The following RAB11FIP1 variants were observed in gnomAD, a reference collection of about 807,000 sequenced individuals.
RAB11FIP1 encodes RAB11 family interacting protein 1, also known as rab11 family-interacting protein 1.
A neutral mutation model predicts 83.1 loss-of-function variants in RAB11FIP1; 49 were observed. The observed-to-expected ratio is 0.59, with a 90% CI of 0.47 to 0.75. The LOEUF (loss-of-function observed/expected upper bound fraction) is 0.75, where lower values mean the gene tolerates loss of function less well. Among genes scored for constraint, RAB11FIP1 ranks in the 30% least tolerant of loss-of-function variants. RAB11FIP1 has a pLI of 0.00. For missense variants in RAB11FIP1, 1,536 were observed against 1,598.7 expected, an observed-to-expected ratio of 0.96 and a Z score of 0.67; for synonymous variants, 670 against 656.0, an observed-to-expected ratio of 1.02 and a Z score of -0.33.
intron 1 of RAB11FIP1, among the ~76,000 whole-genome samples, chr8:37,895,260 T>TATATATATATATATATATATATATATATA (rs1232747968): frequency 2.3e-4 from 1 of 4,330 alleles, no homozygotes; most frequent in Non-Finnish European, 3.8e-4. Flanking sequence ...TATATATATA[T>TATATATATATATATATATATATATATATA]TTTTTTTTTT....
At chr8:37,896,628 T>C (rs928501990) in intron 1 of RAB11FIP1, among the ~76,000 whole-genome samples, 1 of 152,186 alleles carries the variant, frequency 6.6e-6, no homozygotes, top group Non-Finnish European at 1.5e-5. Flanking sequence ...AAAATGAAGA[T>C]GCAGAGACTG....
rs1229036736 is a variant in RAB11FIP1 at position 37,861,998 on chromosome 8, A to G, written c.*897T>C. 5.5e-6 allele frequency: 1 copy of G among 180,584 alleles called. No individual in the cohort carries two copies. Among genetic ancestry groups the G allele is most frequent in the East Asian group, 1.7e-4 (1 of 5,896 alleles). The allele number at this position is 180,584 out of a possible 1,614,324, so 11.2% of individuals were successfully genotyped here. ...AGCAAAGGCACAGGGGGAAAAGGCC[A>G]AGCAATCGTATTGACATCATTCCAC... is the stretch of plus-strand genomic sequence containing the variant. On this transcript the variant is annotated 3_prime_UTR_variant, in exon 6 of 6. Transcript: ENST00000330843.
At chr8:37,867,995 C>A (rs905134224) in intron 5 of RAB11FIP1, among the ~76,000 whole-genome samples, 3 of 152,158 alleles carry the variant, frequency 2.0e-5, no homozygotes, top group African/African-American at 7.2e-5. Context: ...TCTGTAGTCC[C>A]CGCTACTTGG....
At chr8:37,877,876 T>A (rs1806651215) in intron 1 of RAB11FIP1, 1 of 191,276 alleles carries the variant, frequency 5.2e-6, no homozygotes, top group Admixed American at 5.8e-5. Flanking sequence ...CGCGTGACCA[T>A]GTCCAGCTAA....
rs1806458891 is a variant in RAB11FIP1, at chr8:37,871,490, A to G, written c.3312T>C (p.Phe1104=). The change falls in exon 4 of 6, where the codon TTT becomes TTC. Residue 1104 remains phenylalanine (F), a synonymous_variant. Transcript: ENST00000330843. ...PVPSPSPSEI[F]PVTHSFPSSA... is the part of the protein sequence containing the mutation. ...AGCTGGGGAAAGAGTGTGTGACAGG[A>G]AAGATCTCAGAAGGGGAGGGGCTGG... The G allele has an allele frequency of 1.2e-6, 2 of 1,612,398 alleles. No homozygotes were observed. The highest frequency in any genetic ancestry group is 1.7e-6 in the Non-Finnish European group (2 of 1,179,354).
intron 1 of RAB11FIP1, among the ~76,000 whole-genome samples, chr8:37,898,363 T>C (rs573163922): frequency 6.5e-4 from 96 of 147,930 alleles, no homozygotes; most frequent in Non-Finnish European, 9.5e-4. Context: ...ATACAAAAAT[T>C]AGCCGGGCGG....
At chr8:37,896,453 C>G (rs1454205362) in intron 1 of RAB11FIP1, among the ~76,000 whole-genome samples, 1 of 151,924 alleles carries the variant, frequency 6.6e-6, no homozygotes, top group African/African-American at 2.4e-5. Flanking sequence ...TTCATCTACC[C>G]ATAGAGATGC....
At chr8:37,877,836 C>G (rs1265950270) in intron 1 of RAB11FIP1, 1 of 280,586 alleles carries the variant, frequency 3.6e-6, no homozygotes, top group African/African-American at 2.3e-5. Context: ...TCTCCTGCCT[C>G]AGCCTCCTGA....
chr8:37,863,119 GA>G lies in RAB11FIP1; in HGVS notation c.3634-7del, dbSNP rs772672092. ...GGGTCCGAGGGGCTGTATTTCTTTG[GA>G]GGGGGGGAAATAGTTGGGAAAAAGG... On this transcript the variant is annotated splice_region_variant and splice_polypyrimidine_tract_variant and intron_variant, in intron 5 of 5. Transcript: ENST00000330843. The G allele has an allele frequency of 1.3e-4, 215 of 1,607,222 alleles. 1 individual carries two copies. In the African/African-American group the frequency reaches 2.7e-3, roughly 20 times the overall value.
chr8:37,892,165 A>G (rs1369183505), intron 1 of RAB11FIP1, among the ~76,000 whole-genome samples: 1 of 152,056 alleles, frequency 6.6e-6, no homozygotes, highest in African/African-American at 2.4e-5. Context: ...CTCTCACCCT[A>G]CCATATCCAA....
intron 2 of RAB11FIP1, 22 bp downstream of exon 2, chr8:37,877,087 G>A (rs1806630153): frequency 6.4e-7 from 1 of 1,562,254 alleles, no homozygotes; most frequent in Non-Finnish European, 8.8e-7. Context: ...GAGAGGTCAA[G>A]CAGGAAGAGG....
At position 37,860,981 on chromosome 8, in the gene RAB11FIP1, C is replaced by CT. The variant is rs1207427087; in HGVS notation, c.*1913dup. The CT allele has an allele frequency of 1.3e-5, 2 of 152,472 alleles. No individual in the cohort carries two copies. The highest frequency in any genetic ancestry group is 1.3e-4 in the Admixed American group (2 of 15,272). 9.4% of individuals were successfully genotyped at this position (152,472 alleles called of 1,614,324 possible). A position where few individuals can be genotyped will look rare whatever the true frequency, so the allele number is the denominator to read the frequency against. ...AAAGAGATTCCTGATTTAATAACTG[C>CT]TATCATCTTCACCCCCAACCACGCT... On this transcript the variant is annotated 3_prime_UTR_variant, in exon 6 of 6. Coordinates refer to ENST00000330843, the MANE Select transcript of RAB11FIP1 (RefSeq NM_001002814.3).
chr8:37,892,144 A>G (rs1806958253), intron 1 of RAB11FIP1, among the ~76,000 whole-genome samples: 1 of 152,104 alleles, frequency 6.6e-6, no homozygotes, highest in Admixed American at 6.5e-5. Context: ...CATTCTTATT[A>G]CTTTCTTTCC....
At chr8:37,895,259 ATTTTTTTTTTTTTTTTTTTTTTTTT>A (rs71216637) in intron 1 of RAB11FIP1, among the ~76,000 whole-genome samples, 1 of 7,390 alleles carries the variant, frequency 1.4e-4, no homozygotes, top group Non-Finnish European at 2.1e-4. Context: ...ATATATATAT[ATTTTTTTTTTTTTTTTTTTTTTTTT>A]TTTTTTTTTG....
At chr8:37,873,724 C>G (rs1418273796) in intron 3 of RAB11FIP1, among the ~76,000 whole-genome samples, 1 of 152,152 alleles carries the variant, frequency 6.6e-6, no homozygotes, top group Non-Finnish European at 1.5e-5. Context: ...GCAATAGCCT[C>G]TGGTTTCTTG....
Position 37,871,858 on chromosome 8 carries a change from C to T in RAB11FIP1, c.2944G>A (p.Val982Ile). 6.2e-7 allele frequency: 1 copy of T among 1,614,078 alleles called. No individual in the cohort carries two copies. Among genetic ancestry groups the T allele is most frequent in the Non-Finnish European group, 8.5e-7 (1 of 1,180,010 alleles). ...IDQVEDDGDQVEDDGETAKSS... is the reference protein window; with the variant it reads ...IDQVEDDGDQIEDDGETAKSS... ...TTTGCTGTCTCTCCATCATCTTCAA[C>T]CTGATCTCCGTCATCTTCAACCTGA... is the stretch of plus-strand genomic sequence containing the variant. Residue 982 changes from valine (V) to isoleucine (I), a missense_variant, in exon 4 of 6, where the codon GTT becomes ATT. By Grantham distance (29) the Val-to-Ile change is conservative. Coordinates refer to ENST00000330843, the MANE Select transcript of RAB11FIP1 (RefSeq NM_001002814.3).
chr8:37,893,996 G>T (rs1807009390), intron 1 of RAB11FIP1, among the ~76,000 whole-genome samples: 1 of 152,132 alleles, frequency 6.6e-6, no homozygotes, highest in South Asian at 2.1e-4. Flanking sequence ...GCAGTTTAGG[G>T]TTGTTTATTC....
At position 37,872,198 on chromosome 8, in the gene RAB11FIP1, G is replaced by A; in HGVS notation, c.2604C>T (p.Thr868=). ...HAEDSERESV[T]TPGPATCGAP... ...CACCACACGTCGCTGGCCCAGGTGT[G>A]GTCACCGATTCCCTTTCTGAGTCCT... The change falls in exon 4 of 6, where the codon ACC becomes ACT. Residue 868 remains threonine (T), a synonymous_variant. Coordinates refer to ENST00000330843, the MANE Select transcript of RAB11FIP1 (RefSeq NM_001002814.3). 3 of 1,614,048 alleles carry A rather than the reference G, an allele frequency of 1.9e-6. No homozygotes were observed. The highest frequency in any genetic ancestry group is 1.1e-5 in the South Asian group (1 of 91,074).
chr8:37,877,514 T>C lies in RAB11FIP1; in HGVS notation c.409A>G (p.Lys137Glu). Residue 137 changes from lysine (K) to glutamate (E), a missense_variant, in exon 2 of 6, where the codon AAG (lysine) becomes GAG (glutamate). Physicochemically the swap from Lys to Glu is moderately conservative, Grantham distance 56 (BLOSUM62 1). Coordinates refer to ENST00000330843, the MANE Select transcript of RAB11FIP1 (RefSeq NM_001002814.3). ...TCAACCTCAATTTCTCCTCGCTCCT[T>C]GTCCTTCTTTCCTGGTTTGGATTTC... Reference protein sequence around the residue: ...KLKSKPGKKDKERGEIEVDIQ... With the variant: ...KLKSKPGKKDEERGEIEVDIQ... 1.2e-6 allele frequency: 2 copies of C among 1,610,788 alleles called. No individual in the cohort carries two copies. Among genetic ancestry groups the C allele is most frequent in the Non-Finnish European group, 1.7e-6 (2 of 1,179,832 alleles).
Sources: gnomAD v4.1 joint callset for allele counts (sites outside exome capture counted in the v4.1 genomes callset) on GRCh38, gnomAD v4.1.1 for gene constraint, MANE v1.5 for transcripts, NCBI Gene and HGNC (gene_info 2026-07-23, HGNC 2026-07-21) for gene names.